Variants in TAFA2 observed in about 807,000 individuals in gnomAD.
TAFA2 encodes the protein chemokine-like protein TAFA-2.
A neutral mutation model predicts 18.8 loss-of-function variants in TAFA2; 7 were observed. The ratio of observed to expected loss-of-function variants is 0.37; its 90% confidence interval spans 0.21 to 0.70. The LOEUF (loss-of-function observed/expected upper bound fraction) is 0.70, where lower values mean the gene tolerates loss of function less well. Ranked by LOEUF, TAFA2 falls within the 30% of genes least tolerant of loss-of-function variation. The pLI is 0.53. For synonymous variants in TAFA2, 60 were observed against 54.2 expected (o/e 1.11, Z -0.47); for missense variants, 122 against 158.1 (o/e 0.77, Z 1.23).
chr12:62,258,046 A>G (rs2062948872), intron 1 of TAFA2, among the ~76,000 whole-genome samples: 1 of 152,196 alleles, frequency 6.6e-6, no homozygotes, highest in Non-Finnish European at 1.5e-5. Context: ...CTGCAGCCAG[A>G]CTGCCTGGTT....
At chr12:62,101,479 A>C (rs1195487392) in intron 1 of TAFA2, among the ~76,000 whole-genome samples, 3 of 152,174 alleles carry the variant, frequency 2.0e-5, no homozygotes, top group African/African-American at 7.2e-5. Flanking sequence ...ATTTCCCTAG[A>C]TTGTTAGTTC....
At chr12:61,815,724 T>G (rs886336374) in intron 2 of TAFA2, among the ~76,000 whole-genome samples, 5 of 150,288 alleles carry the variant, frequency 3.3e-5, no homozygotes, top group Admixed American at 6.6e-5. Flanking sequence ...AAGGTAAGAG[T>G]TGGAGACATG....
intron 1 of TAFA2, among the ~76,000 whole-genome samples, chr12:61,987,049 A>C (rs541380597): frequency 3.5e-4 from 53 of 152,310 alleles, no homozygotes; most frequent in African/African-American, 1.1e-3. Flanking sequence ...TATGTAGTTG[A>C]TTCGCTCCTC....
At chr12:62,190,244 G>A (rs564149751) in intron 1 of TAFA2, among the ~76,000 whole-genome samples, 2 of 152,250 alleles carry the variant, frequency 1.3e-5, no homozygotes, top group East Asian at 3.9e-4. Flanking sequence ...CTCTACGAGC[G>A]TCTATGGTTC....
intron 2 of TAFA2, among the ~76,000 whole-genome samples, chr12:61,802,545 C>A (rs918087433): frequency 6.6e-6 from 1 of 151,802 alleles, no homozygotes; most frequent in East Asian, 1.9e-4. Context: ...TATGAGGGAG[C>A]AAAAAGTGTT....
chr12:61,940,334 T>C (rs890520382), intron 1 of TAFA2, among the ~76,000 whole-genome samples: 2 of 152,130 alleles, frequency 1.3e-5, no homozygotes, highest in African/African-American at 2.4e-5. Flanking sequence ...TGGATGGTGG[T>C]AGATGGTGGT....
At chr12:62,066,859 C>T (rs1882503326) in intron 1 of TAFA2, among the ~76,000 whole-genome samples, 2 of 151,922 alleles carry the variant, frequency 1.3e-5, no homozygotes, top group African/African-American at 2.4e-5. Context: ...TATATGTTAG[C>T]TCTATTTTCA....
chr12:62,154,160 G>A (rs923943211), intron 1 of TAFA2, among the ~76,000 whole-genome samples: 1 of 152,112 alleles, frequency 6.6e-6, no homozygotes, highest in Non-Finnish European at 1.5e-5. Flanking sequence ...AAGAAGTCCA[G>A]GAGTAAAGGG....
At chr12:62,151,613 G>C (rs1047594385) in intron 1 of TAFA2, among the ~76,000 whole-genome samples, 1 of 152,200 alleles carries the variant, frequency 6.6e-6, no homozygotes, top group Non-Finnish European at 1.5e-5. Context: ...TAGTGGCATA[G>C]AGACAAAAAT....
At chr12:61,941,960 G>A (rs1245834408) in intron 1 of TAFA2, among the ~76,000 whole-genome samples, 1 of 152,076 alleles carries the variant, frequency 6.6e-6, no homozygotes, top group Admixed American at 6.5e-5. Flanking sequence ...CACAGCTCAA[G>A]GAGGCCTGCC....
intron 2 of TAFA2, among the ~76,000 whole-genome samples, chr12:61,757,414 G>T (rs1195417958): frequency 6.6e-6 from 1 of 151,996 alleles, no homozygotes; most frequent in African/African-American, 2.4e-5. Flanking sequence ...AGATGGATGA[G>T]GTTAGTATAT....
intron 2 of TAFA2, among the ~76,000 whole-genome samples, chr12:61,767,151 A>G (rs1869825072): frequency 1.3e-5 from 2 of 152,176 alleles, no homozygotes; most frequent in Admixed American, 6.6e-5. Context: ...GACATAATCA[A>G]TGAAAGCCTG....
intron 2 of TAFA2, among the ~76,000 whole-genome samples, chr12:61,770,753 A>G (rs748249853): frequency 6.6e-6 from 1 of 152,168 alleles, no homozygotes; most frequent in Non-Finnish European, 1.5e-5. Context: ...AAATCTTCAA[A>G]TATATCCTCA....
intron 2 of TAFA2, among the ~76,000 whole-genome samples, chr12:61,813,232 G>A (rs1388832452): frequency 6.6e-6 from 1 of 151,082 alleles, no homozygotes; most frequent in Admixed American, 6.6e-5. Context: ...GCTTTAATTT[G>A]CACTCCTTGG....
At chr12:61,754,350 G>T (rs1448040662) in intron 3 of TAFA2, among the ~76,000 whole-genome samples, 1 of 151,546 alleles carries the variant, frequency 6.6e-6, no homozygotes, top group Non-Finnish European at 1.5e-5. Flanking sequence ...TGCATATAAA[G>T]ATTTATGTCC....
intron 1 of TAFA2, among the ~76,000 whole-genome samples, chr12:62,235,912 T>C (rs746807306): frequency 3.3e-5 from 5 of 151,944 alleles, no homozygotes; most frequent in African/African-American, 4.8e-5. Flanking sequence ...GTTATTACCA[T>C]AAGGCTTTCC....
chr12:61,986,534 A>G (rs1435867808), intron 1 of TAFA2, among the ~76,000 whole-genome samples: 1 of 152,036 alleles, frequency 6.6e-6, no homozygotes, highest in Non-Finnish European at 1.5e-5. Context: ...CCTGGCCTCA[A>G]GTAATCCACT....
At chr12:62,083,423 A>C (rs2136823060) in intron 1 of TAFA2, among the ~76,000 whole-genome samples, 1 of 152,134 alleles carries the variant, frequency 6.6e-6, no homozygotes, top group East Asian at 1.9e-4. Context: ...CCTAGCCAAA[A>C]TTCAGGTAAA....
intron 1 of TAFA2, among the ~76,000 whole-genome samples, chr12:62,000,642 G>T: frequency 8.7e-6 from 1 of 115,496 alleles, no homozygotes; most frequent in South Asian, 2.9e-4. Context: ...GTACAAAGGT[G>T]TTTAAAGCAG....
Sources: gnomAD v4.1 joint callset for allele counts (sites outside exome capture counted in the v4.1 genomes callset) on GRCh38, gnomAD v4.1.1 for gene constraint, MANE v1.5 for transcripts, NCBI Gene and HGNC (gene_info 2026-07-23, HGNC 2026-07-21) for gene names.